Variants in NRXN3 observed in about 807,000 individuals in gnomAD.
NRXN3 encodes the protein neurexin III.
NRXN3 carries 32 observed loss-of-function variants against 137.6 expected under a neutral mutation model. The ratio of observed to expected loss-of-function variants is 0.23; its 90% CI spans 0.18 to 0.31. The LOEUF (loss-of-function observed/expected upper bound fraction) is 0.31, where lower values mean the gene tolerates loss of function less well. NRXN3 is among the 10% of genes least tolerant of loss of function. The pLI is 1.00. For missense variants in NRXN3, 1,574 were observed against 2,062.5 expected, an observed-to-expected ratio of 0.76 and a Z score of 4.59; for synonymous variants, 798 against 784.5, an observed-to-expected ratio of 1.02 and a Z score of -0.29.
intron 15 of NRXN3, among the ~76,000 whole-genome samples, chr14:79,003,788 G>C (rs1326835700): frequency 1.3e-5 from 2 of 152,142 alleles, no homozygotes; most frequent in Non-Finnish European, 2.9e-5. Flanking sequence ...TGTTACTCAG[G>C]GGTGCTCTAT....
At chr14:78,818,413 A>G (rs1461422105) in intron 10 of NRXN3, among the ~76,000 whole-genome samples, 1 of 152,118 alleles carries the variant, frequency 6.6e-6, no homozygotes, top group African/African-American at 2.4e-5. Context: ...ATCAACATGC[A>G]AGGTACAAGC....
chr14:78,631,336 A>G (rs17835416), intron 4 of NRXN3, among the ~76,000 whole-genome samples: 28,501 of 152,200 alleles, frequency 0.19, 2,865 homozygotes, highest in South Asian at 0.24. Context: ...TGATTCATTC[A>G]TCTACAAAGT....
chr14:79,121,702 T>A lies in NRXN3; in HGVS notation c.3262+133561T>A, dbSNP rs538799976. ...CAGACTTCACAAGAACTCATGAGATTGGTCAATGATCACGAAGTGCATCTG... is the reference window on the plus strand; with the variant it reads ...CAGACTTCACAAGAACTCATGAGATAGGTCAATGATCACGAAGTGCATCTG... On this transcript the variant is annotated intron_variant, in intron 15 of 20. Coordinates refer to ENST00000335750, the MANE Select transcript of NRXN3 (RefSeq NM_001330195.2). 8.5e-5 allele frequency among the ~76,000 whole-genome samples: 13 copies of A among 152,328 alleles called. 1 individual carries two copies. The East Asian group carries it at 2.5e-3, about 29-fold the overall frequency.
chr14:78,199,990 G>A (rs1388128230), intron 1 of NRXN3, among the ~76,000 whole-genome samples: 1 of 152,214 alleles, frequency 6.6e-6, no homozygotes, highest in African/African-American at 2.4e-5. Flanking sequence ...GGGAATGAAT[G>A]GAGAAGACCA....
chr14:78,886,680 T>C (rs961635546), intron 10 of NRXN3, among the ~76,000 whole-genome samples: 1 of 152,148 alleles, frequency 6.6e-6, no homozygotes, highest in African/African-American at 2.4e-5. Flanking sequence ...CATTAAAATA[T>C]TTAACAGTCT....
chr14:78,448,585 T>C (rs1163622562), intron 4 of NRXN3, among the ~76,000 whole-genome samples: 1 of 152,198 alleles, frequency 6.6e-6, no homozygotes, highest in Non-Finnish European at 1.5e-5. Flanking sequence ...AAAGATCCCT[T>C]AGATCTCTGA....
At chr14:79,559,395 G>GTT (rs1415098956) in intron 16 of NRXN3, among the ~76,000 whole-genome samples, 4 of 151,996 alleles carry the variant, frequency 2.6e-5, no homozygotes, top group Non-Finnish European at 5.9e-5. Context: ...ATTCAATATT[G>GTT]TTGTGTCTCA....
intron 4 of NRXN3, among the ~76,000 whole-genome samples, chr14:78,391,588 C>T (rs1341399541): frequency 6.6e-6 from 1 of 152,008 alleles, no homozygotes; most frequent in African/African-American, 2.4e-5. Context: ...TCTGGAATGA[C>T]CTTTTATGCA....
At chr14:79,349,269 A>C (rs945333767) in intron 15 of NRXN3, among the ~76,000 whole-genome samples, 2 of 151,942 alleles carry the variant, frequency 1.3e-5, no homozygotes, top group African/African-American at 4.8e-5. Context: ...TTTTACAGAG[A>C]CCTTACTTTT....
chr14:79,828,646 A>T (rs12880238), intron 20 of NRXN3, among the ~76,000 whole-genome samples: 1 of 109,170 alleles, frequency 9.2e-6, no homozygotes, highest in East Asian at 2.9e-4. Context: ...AAAAAGTAAA[A>T]TTGTCTTTTT....
intron 15 of NRXN3, among the ~76,000 whole-genome samples, chr14:79,347,330 C>T (rs975695343): frequency 6.6e-6 from 1 of 151,674 alleles, no homozygotes; most frequent in East Asian, 1.9e-4. Context: ...TCAGAAAGAT[C>T]TCATTAAACT....
At chr14:79,158,943 A>C (rs76551765) in intron 15 of NRXN3, among the ~76,000 whole-genome samples, 4,384 of 151,914 alleles carry the variant, frequency 0.029, 140 homozygotes, top group East Asian at 0.14. Context: ...CAAAACTCTC[A>C]CAAAATTGCT....
chr14:79,576,479 T>C (rs1257997660), intron 16 of NRXN3, among the ~76,000 whole-genome samples: 1 of 152,196 alleles, frequency 6.6e-6, no homozygotes, highest in African/African-American at 2.4e-5. Flanking sequence ...GAAAAACTGC[T>C]AAATGTTAAG....
intron 15 of NRXN3, among the ~76,000 whole-genome samples, chr14:79,122,095 A>T (rs1478331490): frequency 6.6e-6 from 1 of 152,130 alleles, no homozygotes; most frequent in Non-Finnish European, 1.5e-5. Context: ...CTTGCAATGC[A>T]TTCTGTGTAC....
At chr14:78,541,113 A>C (rs1049031401) in intron 4 of NRXN3, among the ~76,000 whole-genome samples, 1 of 152,010 alleles carries the variant, frequency 6.6e-6, no homozygotes, top group African/African-American at 2.4e-5. Flanking sequence ...GCTCTTCTTG[A>C]GGAGTATCTT....
rs905066813 is a variant in NRXN3, at chr14:79,749,794, A to G, written c.4014+51857A>G. Among the ~76,000 whole-genome samples, 4 of 151,870 alleles carry G rather than the reference A, an allele frequency of 2.6e-5. No individual in the cohort carries two copies. In the South Asian group the frequency reaches 6.2e-4, roughly 24 times the overall value. The stretch of plus-strand genomic sequence containing the variant: ...TGCACCAAACATTTTTTTTTATTGC[A>G]TGTCTGAATACATTCCTTAGTAGTT... On this transcript the variant is annotated intron_variant, in intron 19 of 20. Transcript: ENST00000335750.
chr14:79,806,601 C>T (rs186138212), intron 20 of NRXN3, among the ~76,000 whole-genome samples: 447 of 152,174 alleles, frequency 2.9e-3, no homozygotes, highest in Admixed American at 6.5e-3. Context: ...TACATCCGAA[C>T]TATACCAGAA....
At chr14:78,392,035 G>A (rs2090850514) in intron 4 of NRXN3, among the ~76,000 whole-genome samples, 1 of 152,076 alleles carries the variant, frequency 6.6e-6, no homozygotes, top group Non-Finnish European at 1.5e-5. Context: ...CCAAGAGAAA[G>A]GAAAACGTGA....
intron 15 of NRXN3, among the ~76,000 whole-genome samples, chr14:79,360,603 G>A (rs768416019): frequency 1.2e-4 from 19 of 152,316 alleles, no homozygotes; most frequent in African/African-American, 2.9e-4. Context: ...GCCTTAAGAC[G>A]TGGCCGAGCA....
Sources: gnomAD v4.1 joint callset for allele counts (sites outside exome capture counted in the v4.1 genomes callset) on GRCh38, gnomAD v4.1.1 for gene constraint, MANE v1.5 for transcripts, NCBI Gene and HGNC (gene_info 2026-07-23, HGNC 2026-07-21) for gene names.